The following THOC2 variants were observed in gnomAD, a reference collection of about 807,000 sequenced individuals.
THOC2 encodes the protein THO complex 2.
THOC2 carries 10 observed loss-of-function variants against 128.4 expected under a neutral mutation model. The observed-to-expected ratio is 0.08, with a 90% CI of 0.05 to 0.13. THOC2 has a LOEUF of 0.13. Ranked by LOEUF, THOC2 falls within the 10% of genes least tolerant of loss-of-function variation. The pLI, the probability that THOC2 is intolerant of heterozygous loss-of-function variation, is 1.00. For synonymous variants in THOC2, 393 were observed against 396.9 expected (o/e 0.99, Z 0.12); for missense variants, 535 against 1,155.7 (o/e 0.46, Z 7.79).
chrX:123,687,054 T>C (rs1429239917), intron 7 of THOC2, among the ~76,000 whole-genome samples: 1 of 111,714 alleles, frequency 9.0e-6, no homozygotes, highest in East Asian at 2.8e-4. Context: ...ACATTATTAA[T>C]TCTTGGAAAA....
At chrX:123,655,800 T>A (rs928326791) in intron 12 of THOC2, among the ~76,000 whole-genome samples, 1 of 111,692 alleles carries the variant, frequency 9.0e-6, no homozygotes, top group Non-Finnish European at 1.9e-5. Flanking sequence ...AGCGCCAACG[T>A]ATGAAATAGC....
At chrX:123,635,238 A>T (rs2047630482) in intron 19 of THOC2, among the ~76,000 whole-genome samples, 1 of 112,060 alleles carries the variant, frequency 8.9e-6, no homozygotes, top group African/African-American at 3.2e-5. Flanking sequence ...GTTATAGATT[A>T]AAAAATGATA....
At chrX:123,714,314 T>C (rs1366151032) in intron 1 of THOC2, among the ~76,000 whole-genome samples, 2 of 112,329 alleles carry the variant, frequency 1.8e-5, no homozygotes, top group African/African-American at 6.4e-5. Flanking sequence ...GTGTTTTAAA[T>C]TTAAGGACAC....
chrX:123,651,500 C>T (rs1048128373), intron 12 of THOC2, among the ~76,000 whole-genome samples: 3 of 111,007 alleles, frequency 2.7e-5, no homozygotes, highest in South Asian at 3.8e-4. Flanking sequence ...CAAAGTATCA[C>T]GGAATCCAGA....
At chrX:123,639,875 C>T (rs1014085018) in intron 16 of THOC2, among the ~76,000 whole-genome samples, 4 of 112,208 alleles carry the variant, frequency 3.6e-5, no homozygotes, top group African/African-American at 1.3e-4. Flanking sequence ...TCTAGTCTCT[C>T]TCATATGTTT....
In THOC2 at chrX:123,636,167, T is replaced by C. The variant is rs377034317; in HGVS notation, c.1930A>G (p.Ser644Gly). ...TISSWLQSLASFCGAVFRKYP... is the reference protein window; with the variant it reads ...TISSWLQSLAGFCGAVFRKYP... ...TTACGAAAAACTGCACCACAGAAAC[T>C]AGCCAGACCTATATAAAATAAAAAA... The change falls in exon 19 of 39, where the codon AGT becomes GGT. Residue 644 changes from serine to glycine, a missense_variant. Transcript: ENST00000245838. The C allele has an allele frequency of 8.4e-7, 1 of 1,190,865 alleles. No homozygotes were observed. Among genetic ancestry groups the C allele is most frequent in the African/African-American group, 1.8e-5 (1 of 56,657 alleles).
At chrX:123,683,830 C>T (rs1232553321) in intron 8 of THOC2, among the ~76,000 whole-genome samples, 1 of 110,724 alleles carries the variant, frequency 9.0e-6, no homozygotes, top group East Asian at 2.8e-4. Flanking sequence ...AAACTCCCAA[C>T]CTCAGGTGAC....
At chrX:123,668,386 A>G (rs1465133165) in intron 9 of THOC2, 72 bp from the exon 10 acceptor site, 10 of 654,286 alleles carry the variant, frequency 1.5e-5, no homozygotes, top group Non-Finnish European at 2.0e-5. Flanking sequence ...AGGAAACACT[A>G]TTCTCAATTG....
chrX:123,711,783 C>CAAAT (rs1019272972), intron 2 of THOC2, among the ~76,000 whole-genome samples: 8 of 108,788 alleles, frequency 7.4e-5, no homozygotes, highest in South Asian at 8.0e-4. Context: ...AACTCCATCT[C>CAAAT]AAATAAATAA....
At chrX:123,625,288 C>T (rs1166674292) in intron 25 of THOC2, among the ~76,000 whole-genome samples, 6 of 110,114 alleles carry the variant, frequency 5.4e-5, no homozygotes, top group Admixed American at 2.9e-4. Flanking sequence ...TTAGTAGAGA[C>T]GGGGTTTCAC....
At chrX:123,703,142 G>A (rs947626382) in intron 4 of THOC2, among the ~76,000 whole-genome samples, 4 of 111,816 alleles carry the variant, frequency 3.6e-5, no homozygotes, top group Non-Finnish European at 1.9e-5. Flanking sequence ...TTGAAAACCT[G>A]CATTGAATAA....
chrX:123,618,666 C>A (rs1013404051), intron 33 of THOC2, among the ~76,000 whole-genome samples: 4 of 111,811 alleles, frequency 3.6e-5, no homozygotes, highest in African/African-American at 1.3e-4. Flanking sequence ...AAGAAGGGTA[C>A]ACGTTTTATA....
chrX:123,666,523 T>A (rs1259255789), intron 11 of THOC2, among the ~76,000 whole-genome samples: 1 of 111,549 alleles, frequency 9.0e-6, no homozygotes, highest in Non-Finnish European at 1.9e-5. Flanking sequence ...CTGAGGCTTT[T>A]GAGGCAGGCT....
At chrX:123,676,040 T>C (rs2049477296) in intron 8 of THOC2, among the ~76,000 whole-genome samples, 1 of 112,591 alleles carries the variant, frequency 8.9e-6, no homozygotes, top group Non-Finnish European at 1.9e-5. Flanking sequence ...TCTGGGCATG[T>C]GCCCAGCTCT....
intron 12 of THOC2, among the ~76,000 whole-genome samples, chrX:123,664,287 T>C (rs1417307111): frequency 8.9e-6 from 1 of 112,018 alleles, no homozygotes; most frequent in Non-Finnish European, 1.9e-5. Context: ...ATTCAGGACA[T>C]AGGCATGGGC....
chrX:123,666,724 G>A (rs1277608160), intron 11 of THOC2, among the ~76,000 whole-genome samples: 1 of 111,795 alleles, frequency 8.9e-6, no homozygotes, highest in Non-Finnish European at 1.9e-5. Context: ...TCCTCACTCA[G>A]AGCCACTCAG....
At chrX:123,643,266 G>C (rs905342847) in intron 15 of THOC2, among the ~76,000 whole-genome samples, 1 of 111,364 alleles carries the variant, frequency 9.0e-6, no homozygotes, top group Non-Finnish European at 1.9e-5. Context: ...TTGGATGCAG[G>C]GAGGGACAAA....
intron 15 of THOC2, among the ~76,000 whole-genome samples, chrX:123,644,138 A>G (rs750738833): frequency 1.8e-5 from 2 of 112,493 alleles, no homozygotes; most frequent in East Asian, 2.8e-4. Context: ...TTGACTCCCT[A>G]TGGAGATAGT....
chrX:123,655,142 C>T (rs2147755471), intron 12 of THOC2, among the ~76,000 whole-genome samples: 1 of 111,878 alleles, frequency 8.9e-6, no homozygotes, highest in South Asian at 3.7e-4. Flanking sequence ...AATTAAAACA[C>T]TATTTTCAAC....
Sources: allele counts gnomAD v4.1 joint callset (sites outside exome capture counted in the v4.1 genomes callset), GRCh38; gene constraint gnomAD v4.1.1; transcripts MANE v1.5; gene names NCBI Gene and HGNC (gene_info 2026-07-23, HGNC 2026-07-21).